MCCC1: variants seen among roughly 807,000 people sequenced by gnomAD.
MCCC1 encodes methylcrotonyl-CoA carboxylase subunit 1, also known as methylcrotonoyl-CoA carboxylase subunit alpha, mitochondrial.
Under a neutral mutation model 83.8 loss-of-function variants are expected in MCCC1, and 64 were observed. That is an observed-to-expected ratio of 0.76 (90% CI 0.62 to 0.94). The LOEUF (loss-of-function observed/expected upper bound fraction) is 0.94, where lower values mean the gene tolerates loss of function less well. MCCC1 is among the 40% of genes least tolerant of loss of function. The pLI, the probability that MCCC1 is intolerant of heterozygous loss-of-function variation, is 0.00. For synonymous variants in MCCC1, 322 were observed against 315.4 expected, an observed-to-expected ratio of 1.02 and a Z score of -0.22; for missense variants, 807 against 904.7, an observed-to-expected ratio of 0.89 and a Z score of 1.39.
Position 183,041,824 on chromosome 3 carries a change from C to CT in MCCC1, c.1084-75dup. On this transcript the variant is annotated intron_variant, in intron 10 of 18. Coordinates refer to ENST00000265594, the MANE Select transcript of MCCC1 (RefSeq NM_020166.5). ...CAGACTTAGTAAATCAATGGTCTTG[C>CT]TTTTTTTCTAGGTAAAATGTACATT... The CT allele has an allele frequency of 1.3e-6, 2 of 1,537,182 alleles. 1 individual carries two copies.
At chr3:183,072,280 G>T in intron 5 of MCCC1, 86 bp downstream of exon 5, 2 of 1,490,354 alleles carry the variant, frequency 1.3e-6, no homozygotes, top group South Asian at 1.2e-5. Context: ...CCAAAACACT[G>T]GTATTACAGG....
At chr3:183,045,364 G>T in intron 10 of MCCC1, 49 bp downstream of exon 10, 1 of 1,609,144 alleles carries the variant, frequency 6.2e-7, no homozygotes, top group Non-Finnish European at 8.5e-7. Flanking sequence ...ACAGGCTTGA[G>T]CCACCGCACC....
intron 9 of MCCC1, among the ~76,000 whole-genome samples, chr3:183,047,840 C>A (rs939647732): frequency 6.6e-6 from 1 of 151,988 alleles, no homozygotes; most frequent in Non-Finnish European, 1.5e-5. Context: ...CACTGCAAGA[C>A]AACTACAAAA....
intron 17 of MCCC1, among the ~76,000 whole-genome samples, chr3:183,018,534 C>A (rs905655461): frequency 2.6e-5 from 4 of 152,266 alleles, no homozygotes; most frequent in Admixed American, 6.5e-5. Context: ...GAGAGCCCTA[C>A]AGGTCAATCT....
intron 8 of MCCC1, among the ~76,000 whole-genome samples, 163 bp downstream of exon 8, chr3:183,057,148 C>G (rs1314199742): frequency 2.0e-5 from 3 of 152,168 alleles, no homozygotes; most frequent in Non-Finnish European, 4.4e-5. Flanking sequence ...CCTCCTCATC[C>G]CCAATACCAC....
At chr3:183,024,580 A>G (rs1439292388) in intron 15 of MCCC1, among the ~76,000 whole-genome samples, 3 of 151,900 alleles carry the variant, frequency 2.0e-5, no homozygotes, top group Non-Finnish European at 2.9e-5. Flanking sequence ...ACAGTGAGAT[A>G]CTACTACCTC....
intron 2 of MCCC1, among the ~76,000 whole-genome samples, chr3:183,093,070 T>G (rs1015611250): frequency 6.6e-6 from 1 of 152,092 alleles, no homozygotes; most frequent in African/African-American, 2.4e-5. Flanking sequence ...ATTTTTGTAT[T>G]TTTAGTAGAG....
intron 7 of MCCC1, among the ~76,000 whole-genome samples, chr3:183,060,438 T>C (rs894493878): frequency 8.5e-5 from 13 of 152,208 alleles, no homozygotes; most frequent in African/African-American, 3.1e-4. Flanking sequence ...TATCTTCTTA[T>C]TGCTAAGTAT....
At chr3:183,113,312 G>T (rs573752750) in intron 1 of MCCC1, among the ~76,000 whole-genome samples, 2 of 148,876 alleles carry the variant, frequency 1.3e-5, no homozygotes, top group South Asian at 2.1e-4. Context: ...GCAAACTATC[G>T]CAAGGACAGA....
intron 11 of MCCC1, among the ~76,000 whole-genome samples, chr3:183,039,435 G>C (rs1363573134): frequency 2.6e-5 from 4 of 152,086 alleles, no homozygotes; most frequent in African/African-American, 9.7e-5. Context: ...CATTTTCAAA[G>C]TCAACACAAT....
intron 4 of MCCC1, among the ~76,000 whole-genome samples, chr3:183,084,534 T>A (rs1163607691): frequency 6.6e-6 from 1 of 152,224 alleles, no homozygotes; most frequent in African/African-American, 2.4e-5. Flanking sequence ...ATTTTAAATA[T>A]GCATTTGTAT....
intron 10 of MCCC1, among the ~76,000 whole-genome samples, chr3:183,044,906 T>TTTG (rs59572956): frequency 4.5e-4 from 68 of 150,682 alleles, no homozygotes; most frequent in East Asian, 1.2e-3. Context: ...TCAAGACTGT[T>TTTG]TTGTTGTTGT....
chr3:183,021,721 G>C (rs2108440377), intron 16 of MCCC1, among the ~76,000 whole-genome samples: 1 of 152,206 alleles, frequency 6.6e-6, no homozygotes, highest in African/African-American at 2.4e-5. Context: ...AATTGGCTAT[G>C]GAAAGGAATG....
chr3:183,099,007 C>T, intron 1 of MCCC1: 1 of 446,048 alleles, frequency 2.2e-6, no homozygotes, highest in Non-Finnish European at 4.1e-6. Context: ...TAACAACGCT[C>T]CCACCTAAGG....
At chr3:183,066,300 T>TTTA (rs375751313) in intron 7 of MCCC1, among the ~76,000 whole-genome samples, 8 of 152,052 alleles carry the variant, frequency 5.3e-5, no homozygotes, top group East Asian at 1.9e-4. Context: ...CAAAAGGAGA[T>TTTA]TTATTATTAT....
At chr3:183,034,475 A>C (rs1015696669) in intron 13 of MCCC1, among the ~76,000 whole-genome samples, 3 of 151,450 alleles carry the variant, frequency 2.0e-5, no homozygotes, top group African/African-American at 7.3e-5. Flanking sequence ...AAAAACAAAA[A>C]AACACACGTC....
At chr3:183,110,894 GA>G (rs1209949366) in intron 1 of MCCC1, among the ~76,000 whole-genome samples, 1 of 151,920 alleles carries the variant, frequency 6.6e-6, no homozygotes, top group Non-Finnish European at 1.5e-5. Context: ...ATTGAATAGG[GA>G]GTCCTTTCCC....
intron 4 of MCCC1, among the ~76,000 whole-genome samples, chr3:183,083,784 TAAAAC>T (rs1342718454): frequency 1.3e-5 from 2 of 152,116 alleles, no homozygotes; most frequent in Non-Finnish European, 2.9e-5. Context: ...AAAGCAATAA[TAAAAC>T]AAAAAGGAAG....
At chr3:183,037,633 C>T (rs1328876068) in intron 12 of MCCC1, among the ~76,000 whole-genome samples, 199 bp from the exon 13 acceptor site, 1 of 152,206 alleles carries the variant, frequency 6.6e-6, no homozygotes, top group Non-Finnish European at 1.5e-5. Flanking sequence ...TCACTATGTC[C>T]ATCCGCTATT....
Sources: gnomAD v4.1 joint callset for allele counts (sites outside exome capture counted in the v4.1 genomes callset) on GRCh38, gnomAD v4.1.1 for gene constraint, MANE v1.5 for transcripts, NCBI Gene and HGNC (gene_info 2026-07-23, HGNC 2026-07-21) for gene names.